The following PKD1L1 variants were observed in gnomAD, a reference collection of about 807,000 sequenced individuals.
The protein encoded by PKD1L1 is polycystin 1 like 1, transient receptor potential channel interacting.
PKD1L1 carries 236 observed loss-of-function variants against 323.4 expected under a neutral mutation model. That is an observed-to-expected ratio of 0.73 (90% CI 0.66 to 0.81). The LOEUF is 0.81. Ranked by LOEUF, PKD1L1 falls within the 40% of genes least tolerant of loss-of-function variation. PKD1L1 has a pLI of 0.00. For missense variants in PKD1L1, 3,320 were observed against 3,508.0 expected, an observed-to-expected ratio of 0.95 and a Z score of 1.35; for synonymous variants, 1,344 against 1,335.0, an observed-to-expected ratio of 1.01 and a Z score of -0.15.
chr7:47,956,663 GAACA>G, the PKD1L1 span: 1 of 152,164 alleles, frequency 6.6e-6, no homozygotes. Flanking sequence ...CAAAGATGAA[GAACA>G]GTCAGGGAAA....
chr7:47,836,871 C>T (rs754636435), intron 37 of PKD1L1, 50 bp downstream of exon 37: 3 of 1,566,358 alleles, frequency 1.9e-6, no homozygotes, highest in South Asian at 2.3e-5. Flanking sequence ...AAAGGGGCCA[C>T]AGTGTAGTCG....
chr7:47,804,469 A>T (rs1392152736), intron 52 of PKD1L1, among the ~76,000 whole-genome samples: 4 of 123,040 alleles, frequency 3.3e-5, no homozygotes, highest in East Asian at 4.7e-4. Context: ...TACATTTTTA[A>T]TTTTTTTTTT....
Position 47,905,961 on chromosome 7 carries a change from G to C in PKD1L1, c.1404C>G (p.Ser468Arg), listed in dbSNP as rs1038179361. Residue 468 changes from serine (S) to arginine (R), a missense_variant and splice_region_variant, in exon 10 of 57, where the codon AGC becomes AGG. By Grantham distance (110) the Ser-to-Arg change is moderately radical. Transcript: ENST00000289672. ...ATGGAAAGTGATGTATAACCACAGT[G>C]CCTAAAATGAGAAAAAAAGGAGATA... ...VFADSQVNQK[S>R]TVVIHHFPSI... The C allele has an allele frequency of 6.3e-7, 1 of 1,584,050 alleles. No homozygotes were observed. The highest frequency in any genetic ancestry group is 8.6e-7 in the Non-Finnish European group (1 of 1,169,488).
At chr7:47,891,898 A>C (rs1306753343) in intron 15 of PKD1L1, among the ~76,000 whole-genome samples, 2 of 152,176 alleles carry the variant, frequency 1.3e-5, no homozygotes, top group East Asian at 1.9e-4. Context: ...CATGTGCATG[A>C]ATCAAATTGG....
At chr7:47,948,558 C>T, upstream of PKD1L1, 2 of 915,998 alleles carry the variant, frequency 2.2e-6, no homozygotes, top group Non-Finnish European at 3.5e-6. Flanking sequence ...GACCTCTTAT[C>T]AGGACACACA....
At chr7:47,942,665 C>T (rs908938509) in intron 2 of PKD1L1, among the ~76,000 whole-genome samples, 2 of 152,148 alleles carry the variant, frequency 1.3e-5, no homozygotes, top group South Asian at 4.2e-4. Context: ...GTGTTAAGGA[C>T]GAGGAGGAAA....
chr7:47,949,816 G>A (rs1365902462), upstream of PKD1L1, among the ~76,000 whole-genome samples: 2 of 152,152 alleles, frequency 1.3e-5, no homozygotes, highest in Non-Finnish European at 2.9e-5. Flanking sequence ...ACCAAGCTAC[G>A]GGTGTCCGGC....
chr7:47,864,554 TC>T, intron 26 of PKD1L1, among the ~76,000 whole-genome samples: 1 of 151,718 alleles, frequency 6.6e-6, no homozygotes, highest in Admixed American at 6.6e-5. Flanking sequence ...CTTCCTTTCT[TC>T]CTTCTTTTTC....
intron 28 of PKD1L1, among the ~76,000 whole-genome samples, chr7:47,857,341 G>A (rs1046336454): frequency 6.6e-6 from 1 of 152,162 alleles, no homozygotes; most frequent in Non-Finnish European, 1.5e-5. Flanking sequence ...GGATTAGAAG[G>A]CCTCAAGGAA....
intron 4 of PKD1L1, among the ~76,000 whole-genome samples, chr7:47,933,064 A>T (rs965759175): frequency 6.6e-6 from 1 of 152,218 alleles, no homozygotes. Flanking sequence ...CTATTAGATG[A>T]TGAGAAAGAA....
chr7:47,839,465 C>T lies in PKD1L1; in HGVS notation c.5750G>A (p.Gly1917Glu), dbSNP rs780805578. ...RVERELTCLQ[G>E]GLGFRKLFYC... is the part of the protein sequence containing the mutation. ...GCCTACCTTCCGGAAGCCGAGTCCC[C>T]CTTGCAGACAGGTGAGCTCCCGCTC... Residue 1917 changes from glycine to glutamate, a missense_variant, in exon 36 of 57, where the codon GGG becomes GAG. Gly to Glu is a moderately conservative substitution (Grantham distance 98, BLOSUM62 -2). Coordinates refer to ENST00000289672, the MANE Select transcript of PKD1L1 (RefSeq NM_138295.5). The surrounding 1 kb of genome is among the most constrained non-coding windows in gnomAD (Gnocchi z 4.3). 8.1e-6 allele frequency: 13 copies of T among 1,611,346 alleles called. No homozygotes were observed. In the East Asian group the frequency reaches 2.9e-4, roughly 36 times the overall value.
In PKD1L1 at chr7:47,829,613, A is replaced by C. The variant is rs1785303032; in HGVS notation, c.6559-12T>G. On this transcript the variant is annotated splice_polypyrimidine_tract_variant and intron_variant, in intron 43 of 56. Transcript: ENST00000289672. ...GCCATGAGGCATACCTGGAAGGAAA[A>C]ACATGACAGCGCAGAGAGCCGCCCT... The C allele has an allele frequency of 3.1e-6, 5 of 1,600,428 alleles. No individual in the cohort carries two copies. The East Asian group carries it at 1.1e-4, about 36-fold the overall frequency.
chr7:47,864,370 G>A (rs994319049), intron 26 of PKD1L1, among the ~76,000 whole-genome samples: 2 of 152,106 alleles, frequency 1.3e-5, no homozygotes, highest in Non-Finnish European at 2.9e-5. Context: ...AATGCAGGGG[G>A]AACATCAGCT....
chr7:47,837,446 C>G (rs1345783379), intron 36 of PKD1L1, among the ~76,000 whole-genome samples: 1 of 152,186 alleles, frequency 6.6e-6, no homozygotes, highest in East Asian at 1.9e-4. Flanking sequence ...ACCTGGCCTT[C>G]CTCTGGCACC....
At chr7:47,876,715 G>A (rs2128745631) in intron 22 of PKD1L1, among the ~76,000 whole-genome samples, 1 of 152,286 alleles carries the variant, frequency 6.6e-6, no homozygotes, top group African/African-American at 2.4e-5. Flanking sequence ...GGATGGAGAG[G>A]GCAGTGCCAG....
At chr7:47,873,201 G>A (rs1032030897) in intron 24 of PKD1L1, among the ~76,000 whole-genome samples, 1 of 152,094 alleles carries the variant, frequency 6.6e-6, no homozygotes, top group Non-Finnish European at 1.5e-5. Flanking sequence ...CTGCTAATAA[G>A]TCAAGGTTTT....
At chr7:47,917,520 C>T (rs184407467) in intron 7 of PKD1L1, among the ~76,000 whole-genome samples, 1 of 152,228 alleles carries the variant, frequency 6.6e-6, no homozygotes, top group African/African-American at 2.4e-5. Flanking sequence ...ATTGCCTAGG[C>T]ACATTGTCAT....
At chr7:47,785,941 T>C (rs947295913) in intron 56 of PKD1L1, among the ~76,000 whole-genome samples, 1 of 151,984 alleles carries the variant, frequency 6.6e-6, no homozygotes, top group African/African-American at 2.4e-5. Context: ...GGGGTTTCAC[T>C]ACGTTGACCA....
chr7:47,855,568 G>A (rs1444049315), intron 28 of PKD1L1, among the ~76,000 whole-genome samples: 2 of 152,098 alleles, frequency 1.3e-5, no homozygotes, highest in African/African-American at 4.8e-5. Flanking sequence ...TAATCAGGAA[G>A]GTATAGAAAA....
Sources: allele counts gnomAD v4.1 joint callset (sites outside exome capture counted in the v4.1 genomes callset), GRCh38; gene constraint gnomAD v4.1.1; non-coding constraint Gnocchi (gnomAD v3.1); transcripts MANE v1.5; gene names NCBI Gene and HGNC (gene_info 2026-07-23, HGNC 2026-07-21).